The following SLC16A12 variants were observed in gnomAD, a reference collection of about 807,000 sequenced individuals.
SLC16A12 encodes solute carrier family 16 member 12.
A neutral mutation model predicts 42.4 loss-of-function variants in SLC16A12; 17 were observed. That is an observed-to-expected ratio of 0.40 (90% CI 0.27 to 0.60). The LOEUF (loss-of-function observed/expected upper bound fraction) is 0.60, where lower values mean the gene tolerates loss of function less well. SLC16A12 is among the 20% of genes least tolerant of loss of function. SLC16A12 has a pLI of 0.42. For missense variants in SLC16A12, 544 were observed against 623.0 expected, an observed-to-expected ratio of 0.87 and a Z score of 1.35; for synonymous variants, 224 against 229.4, an observed-to-expected ratio of 0.98 and a Z score of 0.21.
Position 89,433,017 on chromosome 10 carries a change from G to T in SLC16A12, c.*47C>A. ...TTTCAGAAACATGAAGAATCTGGTG[G>T]CCCCACCTCTCTCAAACCTGAAGAT... On this transcript the variant is annotated 3_prime_UTR_variant, in exon 8 of 8. Transcript: ENST00000371790. 1 of 1,608,594 alleles carries T rather than the reference G, an allele frequency of 6.2e-7. No individual in the cohort carries two copies. Among genetic ancestry groups the T allele is most frequent in the Non-Finnish European group, 8.5e-7 (1 of 1,178,752 alleles).
intron 2 of SLC16A12, among the ~76,000 whole-genome samples, chr10:89,472,487 C>CTTTTTTTTTTT (rs71022567): frequency 3.3e-4 from 30 of 89,892 alleles, no homozygotes; most frequent in Non-Finnish European, 4.4e-4. Flanking sequence ...TCTTTTCTTT[C>CTTTTTTTTTTT]TTTTTTTTTT....
At chr10:89,481,676 A>AGTGT (rs1358970052) in intron 2 of SLC16A12, among the ~76,000 whole-genome samples, 44 of 147,750 alleles carry the variant, frequency 3.0e-4, no homozygotes, top group Non-Finnish European at 4.9e-4. Context: ...AGAGAGAGAG[A>AGTGT]GAGTGTGTGT....
intron 3 of SLC16A12, among the ~76,000 whole-genome samples, chr10:89,461,487 T>C (rs1842298751): frequency 6.6e-6 from 1 of 152,226 alleles, no homozygotes; most frequent in African/African-American, 2.4e-5. Context: ...ATTAACTCTG[T>C]GTGATACATT....
intron 2 of SLC16A12, among the ~76,000 whole-genome samples, chr10:89,495,286 G>C (rs557484760): frequency 6.6e-6 from 1 of 151,940 alleles, no homozygotes; most frequent in African/African-American, 2.4e-5. Flanking sequence ...CCTAGGAGGC[G>C]GAGGTTGCAG....
intron 2 of SLC16A12, among the ~76,000 whole-genome samples, chr10:89,489,778 A>T (rs1811390373): frequency 1.3e-5 from 2 of 152,224 alleles, no homozygotes; most frequent in African/African-American, 4.8e-5. Context: ...TCAATATTTT[A>T]TTACATGTGT....
chr10:89,543,358 C>T (rs1843726885), intron 2 of SLC16A12, among the ~76,000 whole-genome samples: 1 of 152,178 alleles, frequency 6.6e-6, no homozygotes, highest in African/African-American at 2.4e-5. Context: ...TCATTAAGAA[C>T]CCAAGTTTAT....
intron 2 of SLC16A12, among the ~76,000 whole-genome samples, chr10:89,532,300 A>C (rs1474319918): frequency 6.6e-6 from 1 of 152,202 alleles, no homozygotes; most frequent in East Asian, 1.9e-4. Flanking sequence ...AAGAAAAAAA[A>C]ATCAGCTACT....
At chr10:89,436,868 AAAAGAAAGAAAG>A (rs370756736) in intron 6 of SLC16A12, among the ~76,000 whole-genome samples, 1,683 of 120,498 alleles carry the variant, frequency 0.014, 56 homozygotes, top group African/African-American at 0.02. Context: ...GAAATAAAGA[AAAAGAAAGAAAG>A]AAAGAAAGAA....
At chr10:89,508,978 T>A (rs917597830) in intron 2 of SLC16A12, among the ~76,000 whole-genome samples, 1 of 151,966 alleles carries the variant, frequency 6.6e-6, no homozygotes, top group African/African-American at 2.4e-5. Context: ...TCTACACAAA[T>A]AAACTAGAAA....
chr10:89,542,722 C>T (rs1043147521), intron 2 of SLC16A12, among the ~76,000 whole-genome samples: 1 of 152,190 alleles, frequency 6.6e-6, no homozygotes, highest in African/African-American at 2.4e-5. Context: ...CCTCTCTCCC[C>T]GCCCAACTAT....
intron 2 of SLC16A12, among the ~76,000 whole-genome samples, chr10:89,530,460 C>T (rs750460597): frequency 9.2e-5 from 14 of 151,566 alleles, no homozygotes; most frequent in Non-Finnish European, 1.9e-4. Context: ...CTCTGTTGCC[C>T]AGGCTGGAGT....
At chr10:89,448,759 C>A (rs989918126) in intron 3 of SLC16A12, among the ~76,000 whole-genome samples, 2 of 152,088 alleles carry the variant, frequency 1.3e-5, no homozygotes, top group African/African-American at 4.8e-5. Flanking sequence ...CTGGCCAGGG[C>A]AATCAGGCAG....
intron 3 of SLC16A12, among the ~76,000 whole-genome samples, chr10:89,460,052 G>T (rs1255970917): frequency 6.6e-6 from 1 of 152,190 alleles, no homozygotes; most frequent in Non-Finnish European, 1.5e-5. Flanking sequence ...AATGTGATTG[G>T]AAGACTTATC....
chr10:89,488,003 C>T (rs1446204529), intron 2 of SLC16A12, among the ~76,000 whole-genome samples: 3 of 140,800 alleles, frequency 2.1e-5, no homozygotes, highest in Admixed American at 7.2e-5. Flanking sequence ...TATACACACA[C>T]ACATTTATTA....
chr10:89,481,662 T>A (rs539839789), intron 2 of SLC16A12, among the ~76,000 whole-genome samples: 10,279 of 136,710 alleles, frequency 0.075, 1,184 homozygotes, highest in African/African-American at 0.26. Flanking sequence ...TGTGTGTGTG[T>A]GTGAGAGAGA....
intron 2 of SLC16A12, among the ~76,000 whole-genome samples, chr10:89,528,066 T>A (rs985385072): frequency 6.6e-6 from 1 of 152,154 alleles, no homozygotes. Context: ...CCAGGCATGG[T>A]GGCTCATGCC....
chr10:89,519,813 C>T (rs758578049), intron 2 of SLC16A12, among the ~76,000 whole-genome samples: 1 of 152,070 alleles, frequency 6.6e-6, no homozygotes, highest in Non-Finnish European at 1.5e-5. Context: ...TAATCCCAGA[C>T]ATATAAAACA....
intron 2 of SLC16A12, among the ~76,000 whole-genome samples, chr10:89,548,576 G>A (rs1843753932): frequency 6.6e-6 from 1 of 152,166 alleles, no homozygotes. Flanking sequence ...CAGACTTTGG[G>A]AGGCTGAGGC....
intron 2 of SLC16A12, among the ~76,000 whole-genome samples, chr10:89,526,031 A>G (rs1843446236): frequency 2.0e-5 from 3 of 152,190 alleles, no homozygotes; most frequent in African/African-American, 7.2e-5. Flanking sequence ...CTGCATGTAG[A>G]AGGGGCCCCA....
Sources: gnomAD v4.1 joint callset for allele counts (sites outside exome capture counted in the v4.1 genomes callset) on GRCh38, gnomAD v4.1.1 for gene constraint, MANE v1.5 for transcripts, NCBI Gene and HGNC (gene_info 2026-07-23, HGNC 2026-07-21) for gene names.